The following KLRF2 variants were observed in gnomAD, a reference collection of about 807,000 sequenced individuals.
The protein encoded by KLRF2 is killer cell lectin like receptor F2, also known as killer cell lectin-like receptor subfamily F member 2.
In KLRF2, 28 loss-of-function variants were observed where a neutral mutation model predicts 25.3. The observed-to-expected ratio is 1.11, with a 90% confidence interval of 0.82 to 1.52. The LOEUF (loss-of-function observed/expected upper bound fraction) is 1.52. Ranked by LOEUF, KLRF2 falls within the 40% of genes most tolerant of loss-of-function variation. The pLI is 0.00. For missense variants in KLRF2, 265 were observed against 245.8 expected, an observed-to-expected ratio of 1.08 and a Z score of -0.52; for synonymous variants, 73 against 85.0, an observed-to-expected ratio of 0.86 and a Z score of 0.78.
At chr12:9,882,829 G>A (rs1244530877) in intron 1 of KLRF2, among the ~76,000 whole-genome samples, 1 of 152,072 alleles carries the variant, frequency 6.6e-6, no homozygotes. Context: ...CAGACTAAAT[G>A]TATGGCTCTG....
Position 9,886,794 on chromosome 12 carries a change from T to A in KLRF2, c.169+1762T>A, listed in dbSNP as rs372250346. 9.9e-5 allele frequency among the ~76,000 whole-genome samples: 14 copies of A among 142,034 alleles called. No individual in the cohort carries two copies. In the East Asian group the frequency reaches 2.9e-3, roughly 29 times the overall value. 93.2% of individuals were successfully genotyped at this position (142,034 alleles called of 152,430 possible). A position where few individuals can be genotyped will look rare whatever the true frequency, so the allele number is the denominator to read the frequency against. ...AAAAAAAAAAAAAAGAGAGAAGAAC[T>A]CTCTAAAACAGTGAGATATATAGAT... On this transcript the variant is annotated intron_variant, in intron 2 of 5. Transcript: ENST00000535540.
chr12:9,886,165 T>G (rs1000453609), intron 2 of KLRF2, among the ~76,000 whole-genome samples: 2 of 152,198 alleles, frequency 1.3e-5, no homozygotes, highest in Non-Finnish European at 2.9e-5. Flanking sequence ...TAAAAATATT[T>G]TTTTCTAGCC....
chr12:9,889,787 A>G (rs1862652573), intron 3 of KLRF2, among the ~76,000 whole-genome samples: 1 of 152,054 alleles, frequency 6.6e-6, no homozygotes, highest in Non-Finnish European at 1.5e-5. Flanking sequence ...GTGGATAAGA[A>G]CATAGGCTAT....
intron 1 of KLRF2, among the ~76,000 whole-genome samples, chr12:9,883,449 T>C (rs1462332296): frequency 6.6e-6 from 1 of 152,246 alleles, no homozygotes; most frequent in East Asian, 1.9e-4. Flanking sequence ...CTTGATATAG[T>C]ATGTAAATCA....
chr12:9,893,476 A>G lies in KLRF2; in HGVS notation c.414A>G (p.Gly138=). The change falls in exon 5 of 6, where the codon GGA becomes GGG. Residue 138 remains glycine, a synonymous_variant. Coordinates refer to ENST00000535540, the MANE Select transcript of KLRF2 (RefSeq NM_001190765.1). ...AACCTGGACATTTTGGTTGGATTGG[A>G]CTATATGTTACATTCCAAGGGAACC... The part of the protein sequence containing the change: ...SLKPGHFGWI[G]LYVTFQGNLW... 2 of 1,522,528 alleles carry G rather than the reference A, an allele frequency of 1.3e-6. No homozygotes were observed. The highest frequency in any genetic ancestry group is 1.8e-6 in the Non-Finnish European group (2 of 1,135,446). The allele number at this position is 1,522,528 out of a possible 1,614,324, so 94.3% of individuals were successfully genotyped here. A position where few individuals can be genotyped will look rare whatever the true frequency, so the allele number is the denominator to read the frequency against.
Position 9,881,679 on chromosome 12 carries a change from TC to T in KLRF2, c.70+18del. ...AGAAATCTAAAGGTAGGAATACTGC[TC>T]CCCATCACCGCATTTAAAATTTCAT... On this transcript the variant is annotated intron_variant, in intron 1 of 5. Transcript: ENST00000535540. 1 of 1,521,772 alleles carries T rather than the reference TC, an allele frequency of 6.6e-7. No homozygotes were observed. The highest frequency in any genetic ancestry group is 8.8e-7 in the Non-Finnish European group (1 of 1,134,774). The allele number at this position is 1,521,772 out of a possible 1,614,324, so 94.3% of individuals were successfully genotyped here. A position where few individuals can be genotyped will look rare whatever the true frequency, so the allele number is the denominator to read the frequency against.
Position 9,884,923 on chromosome 12 carries a change from C to G in KLRF2, c.71-11C>G, listed in dbSNP as rs1418213060. 2.1e-6 allele frequency: 2 copies of G among 958,002 alleles called. No individual in the cohort carries two copies. Among genetic ancestry groups the G allele is most frequent in the Non-Finnish European group, 2.9e-6 (2 of 698,924 alleles). 59.3% of individuals were successfully genotyped at this position (958,002 alleles called of 1,614,324 possible). A position where few individuals can be genotyped will look rare whatever the true frequency, so the allele number is the denominator to read the frequency against. On this transcript the variant is annotated splice_polypyrimidine_tract_variant and intron_variant, in intron 1 of 5. Coordinates refer to ENST00000535540, the MANE Select transcript of KLRF2 (RefSeq NM_001190765.1). ...GAATAATCACAAGAATTCTAAAATT[C>G]AACATTTCAGATTTCTCCCTATATC... is the stretch of plus-strand genomic sequence containing the variant.
rs1868095682 is a variant in KLRF2 at position 9,881,614 on chromosome 12, T to C, written c.19T>C (p.Tyr7His). MENEDG[Y>H]MTLSFKNRCK... ...TGAAGAGATGGAGAATGAAGATGGG[T>C]ATATGACGCTGAGTTTCAAGAATCG... Residue 7 changes from tyrosine to histidine, a missense_variant, in exon 1 of 6, where the codon TAT becomes CAT. Coordinates refer to ENST00000535540, the MANE Select transcript of KLRF2 (RefSeq NM_001190765.1). 6.5e-7 allele frequency: 1 copy of C among 1,534,892 alleles called. No individual in the cohort carries two copies. Among genetic ancestry groups the C allele is most frequent in the Non-Finnish European group, 8.7e-7 (1 of 1,145,874 alleles).
At chr12:9,886,920 G>A (rs989826412) in intron 2 of KLRF2, among the ~76,000 whole-genome samples, 1 of 152,056 alleles carries the variant, frequency 6.6e-6, no homozygotes, top group Non-Finnish European at 1.5e-5. Flanking sequence ...GTAGTGTGTA[G>A]GTCTACTACA....
chr12:9,894,763 T>C (rs1862738243), intron 5 of KLRF2, among the ~76,000 whole-genome samples: 1 of 152,178 alleles, frequency 6.6e-6, no homozygotes, highest in Admixed American at 6.5e-5. Context: ...TTCATGAGCA[T>C]AAAACTAAAG....
intron 2 of KLRF2, among the ~76,000 whole-genome samples, chr12:9,887,090 T>C (rs1322874781): frequency 6.6e-6 from 1 of 152,038 alleles, no homozygotes; most frequent in African/African-American, 2.4e-5. Context: ...GAAAGGTCAA[T>C]AGCTCTTTTA....
Position 9,895,747 on chromosome 12 carries a change from G to C in KLRF2, c.538G>C (p.Val180Leu). The change falls in exon 6 of 6, where the codon GTG becomes CTG. Residue 180 changes from valine (V) to leucine (L), a missense_variant. Transcript: ENST00000535540. ...CTGTGCCGTTATCACAGGAAACTGGGTGTATTCTGAAGACTGTAGCTCCAC... is the reference window on the plus strand; with the variant it reads ...CTGTGCCGTTATCACAGGAAACTGGCTGTATTCTGAAGACTGTAGCTCCAC... ...RSCAVITGNW[V>L]YSEDCSSTFK... 6.5e-7 allele frequency: 1 copy of C among 1,535,902 alleles called. No homozygotes were observed.
chr12:9,894,153 T>TCTCTCTCC (rs536569918), intron 5 of KLRF2, among the ~76,000 whole-genome samples: 1 of 143,980 alleles, frequency 6.9e-6, no homozygotes, highest in African/African-American at 2.6e-5. Context: ...TCTCTCTCTC[T>TCTCTCTCC]CCCTCCCTTC....
intron 2 of KLRF2, among the ~76,000 whole-genome samples, chr12:9,887,490 T>C (rs1050343852): frequency 1.3e-5 from 2 of 152,152 alleles, no homozygotes; most frequent in African/African-American, 4.8e-5. Context: ...ACAAGAGTAA[T>C]CAAGTAAATA....
intron 3 of KLRF2, among the ~76,000 whole-genome samples, chr12:9,889,491 G>C (rs1304614780): frequency 1.3e-5 from 2 of 152,236 alleles, no homozygotes; most frequent in Middle Eastern, 3.4e-3. Context: ...CAAAGGAAGA[G>C]GAATTTTGAC....
In KLRF2 at chr12:9,893,458, A is replaced by G; in HGVS notation, c.396A>G (p.Gly132=). The G allele has an allele frequency of 6.7e-7, 1 of 1,503,736 alleles. No individual in the cohort carries two copies. The highest frequency in any genetic ancestry group is 8.9e-7 in the Non-Finnish European group (1 of 1,119,132). 93.1% of individuals were successfully genotyped at this position (1,503,736 alleles called of 1,614,324 possible). ...TCATACAGAACAGTTTAAAACCTGGACATTTTGGTTGGATTGGACTATATG... is the reference window on the plus strand; with the variant it reads ...TCATACAGAACAGTTTAAAACCTGGGCATTTTGGTTGGATTGGACTATATG... ...LEFIQNSLKP[G]HFGWIGLYVT... is the part of the protein sequence containing the mutation. Residue 132 remains glycine, a synonymous_variant, in exon 5 of 6, where the codon GGA becomes GGG. Transcript: ENST00000535540.
intron 5 of KLRF2, among the ~76,000 whole-genome samples, chr12:9,894,126 TTCTCTCTCTC>T (rs141327204): frequency 2.6e-4 from 34 of 130,290 alleles, no homozygotes; most frequent in Non-Finnish European, 3.5e-4. Context: ...TTTCTTTTCT[TTCTCTCTCTC>T]TCTCTCTCTC....
intron 1 of KLRF2, among the ~76,000 whole-genome samples, chr12:9,883,183 T>C (rs1006771933): frequency 6.6e-6 from 1 of 152,212 alleles, no homozygotes; most frequent in African/African-American, 2.4e-5. Flanking sequence ...CAGTTCACAT[T>C]GTGTATAAGA....
rs560969906 is a variant in KLRF2, at chr12:9,893,031, T to C, written c.229T>C (p.Leu77=). The C allele has an allele frequency of 2.0e-6, 3 of 1,535,578 alleles. No homozygotes were observed. The highest frequency in any genetic ancestry group is 2.6e-6 in the Non-Finnish European group (3 of 1,146,492). ...ATGTTTTCCTTTAGGACACAATTAC[T>C]TGTGCCCAAATGACTGGCTGTTGAA... ...NVSSLSGHNY[L]CPNDWLLNEG... The change falls in exon 4 of 6, where the codon TTG becomes CTG. Residue 77 remains leucine, a synonymous_variant. Transcript: ENST00000535540.
Sources: allele counts gnomAD v4.1 joint callset (sites outside exome capture counted in the v4.1 genomes callset), GRCh38; gene constraint gnomAD v4.1.1; transcripts MANE v1.5; gene names NCBI Gene and HGNC (gene_info 2026-07-23, HGNC 2026-07-21).